The following PLCE1 variants were observed in gnomAD, a reference collection of about 807,000 sequenced individuals.
The protein encoded by PLCE1 is 1-phosphatidylinositol 4,5-bisphosphate phosphodiesterase epsilon-1.
PLCE1 carries 119 observed loss-of-function variants against 242.8 expected under a neutral mutation model. The observed-to-expected ratio is 0.49, with a 90% CI of 0.42 to 0.57. The LOEUF (loss-of-function observed/expected upper bound fraction) is 0.57, where lower values mean the gene tolerates loss of function less well. PLCE1 is among the 20% of genes least tolerant of loss of function. The pLI is 0.00. For synonymous variants in PLCE1, 945 were observed against 1,017.4 expected, an observed-to-expected ratio of 0.93 and a Z score of 1.35; for missense variants, 2,441 against 2,788.8, an observed-to-expected ratio of 0.88 and a Z score of 2.81.
At chr10:94,296,791 C>T (rs1002622303) in intron 23 of PLCE1, among the ~76,000 whole-genome samples, 2 of 152,162 alleles carry the variant, frequency 1.3e-5, no homozygotes, top group East Asian at 1.9e-4. Flanking sequence ...AAATGTTTAT[C>T]GCAAAATGCC....
chr10:94,110,197 G>A (rs192223083), intron 2 of PLCE1, among the ~76,000 whole-genome samples: 1,784 of 150,246 alleles, frequency 0.012, 35 homozygotes, highest in African/African-American at 0.042. Flanking sequence ...CGACTAGCTG[G>A]GACTACAGGC....
chr10:94,154,881 AAT>A (rs1309749962), intron 3 of PLCE1, among the ~76,000 whole-genome samples: 1 of 147,136 alleles, frequency 6.8e-6, no homozygotes. Flanking sequence ...CTCTATTTTA[AAT>A]ATATATATAT....
intron 4 of PLCE1, among the ~76,000 whole-genome samples, chr10:94,209,470 A>G (rs2049265762): frequency 6.6e-6 from 1 of 152,178 alleles, no homozygotes; most frequent in African/African-American, 2.4e-5. Flanking sequence ...GCTTTCATCA[A>G]CTCATAGCAA....
At chr10:94,184,846 A>G (rs75038839) in intron 4 of PLCE1, among the ~76,000 whole-genome samples, 1 of 147,838 alleles carries the variant, frequency 6.8e-6, no homozygotes, top group Non-Finnish European at 1.5e-5. Flanking sequence ...TGACTTGCTT[A>G]TTTTTTTTTT....
intron 1 of PLCE1, among the ~76,000 whole-genome samples, chr10:94,013,016 T>C (rs2061200926): frequency 6.6e-6 from 1 of 152,158 alleles, no homozygotes; most frequent in African/African-American, 2.4e-5. Flanking sequence ...TCTCTCTCTA[T>C]CCTTGGGACT....
intron 29 of PLCE1, among the ~76,000 whole-genome samples, chr10:94,321,457 C>A (rs1373111707): frequency 6.6e-6 from 1 of 152,136 alleles, no homozygotes; most frequent in Non-Finnish European, 1.5e-5. Context: ...CATGGCGAAA[C>A]CCTGTCTCTA....
In PLCE1 at chr10:94,031,820, C is replaced by T. The variant is rs370945821; in HGVS notation, c.774C>T (p.Thr258=). 39 of 1,613,552 alleles carry T rather than the reference C, an allele frequency of 2.4e-5. No individual in the cohort carries two copies. Among genetic ancestry groups the T allele is most frequent in the Non-Finnish European group, 3.2e-5 (38 of 1,179,780 alleles). The change falls in exon 2 of 33, where the codon ACC becomes ACT. Residue 258 remains threonine, a synonymous_variant. Transcript: ENST00000371380. The part of the protein sequence containing the change: ...NEQLQCDHCD[T]LNDKYFCFEG... Reference sequence around the variant, plus strand: ...AGCTGCAGTGTGATCATTGTGACACCTTGAATGATAAATACTTTTGCTTTG... The same window carrying T: ...AGCTGCAGTGTGATCATTGTGACACTTTGAATGATAAATACTTTTGCTTTG...
intron 2 of PLCE1, among the ~76,000 whole-genome samples, chr10:94,067,648 G>A (rs1295547532): frequency 2.6e-5 from 4 of 152,228 alleles, no homozygotes; most frequent in African/African-American, 9.6e-5. Flanking sequence ...GGCCTGAAGG[G>A]GGAAGAGGAG....
intron 1 of PLCE1, among the ~76,000 whole-genome samples, chr10:94,027,339 G>T (rs10882383): frequency 0.39 from 59,234 of 152,036 alleles, 13,963 homozygotes; most frequent in African/African-American, 0.67. Context: ...TTATTTAATT[G>T]TGTACTCAAC....
intron 2 of PLCE1, among the ~76,000 whole-genome samples, chr10:94,072,923 T>TG (rs1300055556): frequency 6.6e-6 from 1 of 152,016 alleles, no homozygotes; most frequent in Non-Finnish European, 1.5e-5. Context: ...ATGGTGCTGA[T>TG]GGGGGAGAGG....
chr10:94,168,172 G>A (rs1417453257), intron 3 of PLCE1, among the ~76,000 whole-genome samples: 2 of 152,192 alleles, frequency 1.3e-5, no homozygotes, highest in African/African-American at 4.8e-5. Flanking sequence ...CCATCTTCCA[G>A]TGGCCCATGT....
At chr10:94,187,148 G>A (rs1475087211) in intron 4 of PLCE1, among the ~76,000 whole-genome samples, 1 of 86,956 alleles carries the variant, frequency 1.2e-5, no homozygotes, top group Non-Finnish European at 2.7e-5. Flanking sequence ...AAACATATAT[G>A]TGTGTGTGTG....
chr10:94,239,762 A>T (rs1385465696), intron 7 of PLCE1, among the ~76,000 whole-genome samples: 2 of 152,242 alleles, frequency 1.3e-5, no homozygotes, highest in Non-Finnish European at 2.9e-5. Flanking sequence ...AAGAAAGCTA[A>T]GCATGAGAAA....
In PLCE1 at chr10:94,255,007, T is replaced by C. The variant is rs757421093; in HGVS notation, c.3512T>C (p.Val1171Ala). ...GGGACGTCATCTCCCATCAGGCCAG[T>C]GTCCTCCCCTGTGCTGTCTTCTTCA... ...AAGTSSPIRP[V>A]SSPVLSSSNK... The change falls in exon 11 of 33, where the codon GTG becomes GCG. Residue 1171 changes from valine to alanine, a missense_variant. Physicochemically the swap from Val to Ala is moderately conservative, Grantham distance 64. Transcript: ENST00000371380. 10 of 1,614,144 alleles carry C rather than the reference T, an allele frequency of 6.2e-6. No individual in the cohort carries two copies. The highest frequency in any genetic ancestry group is 3.3e-4 in the Middle Eastern group (2 of 6,060).
At position 94,171,357 on chromosome 10, in the gene PLCE1, G is replaced by T. The variant is rs765379329; in HGVS notation, c.1670G>T (p.Cys557Phe). The change falls in exon 4 of 33, where the codon TGC (cysteine) becomes TTC (phenylalanine). Residue 557 changes from cysteine to phenylalanine, a missense_variant. Physicochemically the swap from Cys to Phe is radical, Grantham distance 205. This residue lies in a region of PLCE1 where 733 missense variants were observed against 754.2 expected (regional missense o/e 0.97). Coordinates refer to ENST00000371380, the MANE Select transcript of PLCE1 (RefSeq NM_016341.4). ...AGGGTCTTGCCAGTCGACTACCTTT[G>T]CTTCTTAACACGGGACTTGGGCACT... Reference protein sequence around the residue: ...YRRVLPVDYLCFLTRDLGTPE... With the variant: ...YRRVLPVDYLFFLTRDLGTPE... 2 of 1,614,056 alleles carry T rather than the reference G, an allele frequency of 1.2e-6. No homozygotes were observed. The highest frequency in any genetic ancestry group is 1.7e-6 in the Non-Finnish European group (2 of 1,180,034).
intron 4 of PLCE1, among the ~76,000 whole-genome samples, chr10:94,179,786 G>A (rs962170695): frequency 4.6e-5 from 7 of 151,780 alleles, no homozygotes; most frequent in South Asian, 4.2e-4. Flanking sequence ...GATTTCAGAC[G>A]TACGTCACCA....
At position 94,273,502 on chromosome 10, in the gene PLCE1, A is replaced by T; in HGVS notation, c.4507-60A>T. 15 of 1,420,614 alleles carry T rather than the reference A, an allele frequency of 1.1e-5. No homozygotes were observed. The South Asian group carries it at 1.6e-4, about 15-fold the overall frequency. The allele number at this position is 1,420,614 out of a possible 1,614,324, so 88.0% of individuals were successfully genotyped here. On this transcript the variant is annotated intron_variant, in intron 18 of 32. Coordinates refer to ENST00000371380, the MANE Select transcript of PLCE1 (RefSeq NM_016341.4). Reference sequence around the variant, plus strand: ...TATCTACTATGTTTATGAAGTGTACATATATTTATCAATTATAGATAAAAG... The same window carrying T: ...TATCTACTATGTTTATGAAGTGTACTTATATTTATCAATTATAGATAAAAG...
chr10:94,015,235 C>G (rs1390467792), intron 1 of PLCE1, among the ~76,000 whole-genome samples: 1 of 152,130 alleles, frequency 6.6e-6, no homozygotes, highest in Admixed American at 6.5e-5. Flanking sequence ...GTTATGTTTT[C>G]TTGAGGAGTT....
intron 7 of PLCE1, among the ~76,000 whole-genome samples, chr10:94,240,121 T>A (rs1240981667): frequency 6.6e-6 from 1 of 152,184 alleles, no homozygotes; most frequent in Non-Finnish European, 1.5e-5. Flanking sequence ...TAGGCTTTTT[T>A]CTCACTTAAA....
Sources: allele counts gnomAD v4.1 joint callset (sites outside exome capture counted in the v4.1 genomes callset), GRCh38; gene constraint gnomAD v4.1.1; regional missense constraint gnomAD v4.1.1; transcripts MANE v1.5; gene names NCBI Gene and HGNC (gene_info 2026-07-23, HGNC 2026-07-21).